NELL1: variants seen among roughly 807,000 people sequenced by gnomAD.
The protein encoded by NELL1 is protein kinase C-binding protein NELL1.
NELL1 carries 76 observed loss-of-function variants against 107.4 expected under a neutral mutation model. The observed-to-expected ratio is 0.71, with a 90% confidence interval of 0.59 to 0.86. The LOEUF is 0.86. Among genes scored for constraint, NELL1 ranks in the 40% least tolerant of loss-of-function variants. The pLI is 0.00. For missense variants in NELL1, 1,024 were observed against 1,005.5 expected (o/e 1.02, Z -0.25); for synonymous variants, 353 against 341.2 (o/e 1.03, Z -0.38).
intron 13 of NELL1, among the ~76,000 whole-genome samples, chr11:21,211,763 A>G (rs575326018): frequency 2.0e-5 from 3 of 152,224 alleles, no homozygotes; most frequent in African/African-American, 7.2e-5. Flanking sequence ...AGATTAAGGG[A>G]GAAGGAGGTA....
intron 12 of NELL1, among the ~76,000 whole-genome samples, chr11:21,009,852 T>G (rs1386624493): frequency 6.6e-6 from 1 of 152,046 alleles, no homozygotes; most frequent in East Asian, 1.9e-4. Flanking sequence ...TAGCAGTGGG[T>G]TCTGGTAGGC....
intron 13 of NELL1, among the ~76,000 whole-genome samples, chr11:21,178,313 C>T (rs1442360165): frequency 6.6e-6 from 1 of 151,780 alleles, no homozygotes; most frequent in Non-Finnish European, 1.5e-5. Context: ...AATTTGTAAT[C>T]TAATTGAACA....
At position 21,233,095 on chromosome 11, in the gene NELL1, A is replaced by G. The variant is rs1394068687; in HGVS notation, c.1549+3641A>G. ...ATTACATAAGACATCAGTTTCTGAA[A>G]CAATACTAATTGGTGTGAATTCTCT... On this transcript the variant is annotated intron_variant, in intron 14 of 19. Coordinates refer to ENST00000357134, the MANE Select transcript of NELL1 (RefSeq NM_006157.5). Among the ~76,000 whole-genome samples the G allele has an allele frequency of 2.0e-5, 3 of 152,242 alleles. No individual in the cohort carries two copies. The South Asian group carries it at 6.2e-4, about 32-fold the overall frequency.
intron 12 of NELL1, among the ~76,000 whole-genome samples, chr11:20,989,604 A>C (rs1277912886): frequency 3.3e-5 from 5 of 152,302 alleles, no homozygotes; most frequent in Middle Eastern, 3.4e-3. Context: ...TAAAGCATGA[A>C]GCAGTTTTAT....
At chr11:21,273,572 G>A (rs776093346) in intron 14 of NELL1, among the ~76,000 whole-genome samples, 2 of 152,038 alleles carry the variant, frequency 1.3e-5, no homozygotes, top group Admixed American at 6.6e-5. Context: ...GATGCTCCTC[G>A]AGAAGAGCAA....
intron 2 of NELL1, among the ~76,000 whole-genome samples, chr11:20,717,196 C>T (rs988405907): frequency 2.0e-5 from 3 of 152,230 alleles, no homozygotes; most frequent in Admixed American, 6.5e-5. Context: ...TAGTCCAATC[C>T]TATGCCTGGT....
intron 15 of NELL1, among the ~76,000 whole-genome samples, chr11:21,395,529 T>C (rs1244386918): frequency 1.3e-5 from 2 of 151,538 alleles, no homozygotes; most frequent in African/African-American, 4.8e-5. Flanking sequence ...ACTTAAGAAA[T>C]ATTTCTAACT....
At chr11:21,254,529 T>C (rs1473063527) in intron 14 of NELL1, among the ~76,000 whole-genome samples, 1 of 151,932 alleles carries the variant, frequency 6.6e-6, no homozygotes, top group Non-Finnish European at 1.5e-5. Context: ...AGAAAGGAGA[T>C]TTGAAATTGG....
chr11:20,680,234 G>A (rs76827512), intron 2 of NELL1, among the ~76,000 whole-genome samples: 5,393 of 152,052 alleles, frequency 0.035, 332 homozygotes, highest in African/African-American at 0.12. Context: ...TTAGCACCTG[G>A]ACATTTTTGG....
At chr11:20,873,224 G>GA (rs1849238107) in intron 4 of NELL1, among the ~76,000 whole-genome samples, 1 of 152,162 alleles carries the variant, frequency 6.6e-6, no homozygotes, top group South Asian at 2.1e-4. Flanking sequence ...AGATGGGACC[G>GA]ACGACTGTGG....
At chr11:20,814,621 A>G (rs2134017315) in intron 3 of NELL1, among the ~76,000 whole-genome samples, 1 of 152,302 alleles carries the variant, frequency 6.6e-6, no homozygotes, top group Admixed American at 6.5e-5. Context: ...GCTATAAAGG[A>G]CGTAATTTCA....
chr11:21,438,500 A>G lies in NELL1; in HGVS notation c.1645+67552A>G, dbSNP rs553460995. On this transcript the variant is annotated intron_variant, in intron 15 of 19. Coordinates refer to ENST00000357134, the MANE Select transcript of NELL1 (RefSeq NM_006157.5). ...GAGCTTTCTGTATCTGAATGTCTAT[A>G]TCTCTTATAGGAATTGGGAAATTTT... Among the ~76,000 whole-genome samples the G allele has an allele frequency of 2.6e-5, 4 of 152,220 alleles. No individual in the cohort carries two copies. In the East Asian group the frequency reaches 7.7e-4, roughly 29 times the overall value.
chr11:21,329,698 A>G (rs750371692), intron 14 of NELL1, among the ~76,000 whole-genome samples: 1 of 152,016 alleles, frequency 6.6e-6, no homozygotes, highest in Non-Finnish European at 1.5e-5. Context: ...TTTTTTGTGT[A>G]ATGTTTTAAT....
chr11:21,275,496 T>C (rs974383274), intron 14 of NELL1, among the ~76,000 whole-genome samples: 3 of 152,166 alleles, frequency 2.0e-5, no homozygotes, highest in African/African-American at 7.2e-5. Flanking sequence ...TACCATTCCT[T>C]CTGAAACTGT....
At chr11:21,078,452 A>C (rs768677656) in intron 12 of NELL1, among the ~76,000 whole-genome samples, 3 of 151,354 alleles carry the variant, frequency 2.0e-5, no homozygotes, top group African/African-American at 2.5e-5. Flanking sequence ...ACATAAATTA[A>C]CTACTAAGGC....
Position 21,530,879 on chromosome 11 carries a change from A to G in NELL1, c.1646-3495A>G, listed in dbSNP as rs116779851. Among the ~76,000 whole-genome samples the G allele has an allele frequency of 6.4e-3, 979 of 152,182 alleles. 16 individuals carry two copies. The highest frequency in any genetic ancestry group is 0.022 in the African/African-American group (916 of 41,532). ...GTTAATTTTTCCTTTCATTCAATCTACCAGTCATTTATTTTTTCATACATT... is the reference window on the plus strand; with the variant it reads ...GTTAATTTTTCCTTTCATTCAATCTGCCAGTCATTTATTTTTTCATACATT... On this transcript the variant is annotated intron_variant, in intron 15 of 19. Coordinates refer to ENST00000357134, the MANE Select transcript of NELL1 (RefSeq NM_006157.5).
At chr11:21,141,970 G>A (rs554871491) in intron 13 of NELL1, among the ~76,000 whole-genome samples, 6 of 152,090 alleles carry the variant, frequency 3.9e-5, no homozygotes, top group Admixed American at 1.3e-4. Flanking sequence ...TGCCATGTTG[G>A]CCAGGCTGGT....
At chr11:21,260,446 G>T (rs746719291) in intron 14 of NELL1, 1 of 151,878 alleles carries the variant, frequency 6.6e-6, no homozygotes, top group South Asian at 2.1e-4. Flanking sequence ...GCTCTTCAGT[G>T]GCTTAGAGCA....
intron 3 of NELL1, among the ~76,000 whole-genome samples, chr11:20,844,953 G>A (rs1210281483): frequency 6.6e-6 from 1 of 152,214 alleles, no homozygotes; most frequent in Non-Finnish European, 1.5e-5. Flanking sequence ...TTTCTGCTCA[G>A]AGTTGCCTCA....
Sources: gnomAD v4.1 joint callset for allele counts (sites outside exome capture counted in the v4.1 genomes callset) on GRCh38, gnomAD v4.1.1 for gene constraint, MANE v1.5 for transcripts, NCBI Gene and HGNC (gene_info 2026-07-23, HGNC 2026-07-21) for gene names.